Variants in FAM117B observed in about 807,000 individuals in gnomAD.
The protein encoded by FAM117B is protein FAM117B.
A neutral mutation model predicts 52.8 loss-of-function variants in FAM117B; 22 were observed. The ratio of observed to expected loss-of-function variants is 0.42; its 90% confidence interval spans 0.30 to 0.59. The LOEUF is 0.59. Ranked by LOEUF, FAM117B falls within the 20% of genes least tolerant of loss-of-function variation. FAM117B has a pLI of 0.22. For missense variants in FAM117B, 678 were observed against 802.6 expected, an observed-to-expected ratio of 0.84 and a Z score of 1.88; for synonymous variants, 309 against 324.1, an observed-to-expected ratio of 0.95 and a Z score of 0.50.
chr2:202,721,881 G>C (rs546383900), intron 2 of FAM117B, among the ~76,000 whole-genome samples: 146 of 152,110 alleles, frequency 9.6e-4, no homozygotes, highest in African/African-American at 2.8e-3. Context: ...TGATCCTGTA[G>C]CCTTGGCCTC....
At chr2:202,658,879 A>T (rs890671267) in intron 1 of FAM117B, among the ~76,000 whole-genome samples, 1 of 151,890 alleles carries the variant, frequency 6.6e-6, no homozygotes, top group Non-Finnish European at 1.5e-5. Context: ...TATGTTTCTC[A>T]TGAAATTTGG....
At chr2:202,640,847 G>A (rs1215490500) in intron 1 of FAM117B, among the ~76,000 whole-genome samples, 1 of 152,122 alleles carries the variant, frequency 6.6e-6, no homozygotes, top group East Asian at 1.9e-4. Flanking sequence ...CTGAGCTCAA[G>A]CTATCTGCCT....
At chr2:202,715,698 G>T (rs1027306525) in intron 2 of FAM117B, among the ~76,000 whole-genome samples, 3 of 152,244 alleles carry the variant, frequency 2.0e-5, no homozygotes, top group Admixed American at 1.3e-4. Flanking sequence ...GGCAGAGGCT[G>T]CAATCTCGGC....
At chr2:202,642,205 G>A (rs1216236769) in intron 1 of FAM117B, among the ~76,000 whole-genome samples, 7 of 149,070 alleles carry the variant, frequency 4.7e-5, no homozygotes, top group South Asian at 4.3e-4. Context: ...TGTCCGCCTC[G>A]GCCTCCCAAA....
At chr2:202,645,380 C>A (rs1046826049) in intron 1 of FAM117B, among the ~76,000 whole-genome samples, 1 of 151,770 alleles carries the variant, frequency 6.6e-6, no homozygotes, top group Non-Finnish European at 1.5e-5. Flanking sequence ...GCTCCGCCCC[C>A]CGGGGTTCAC....
At chr2:202,759,845 C>T (rs1049480136) in intron 7 of FAM117B, among the ~76,000 whole-genome samples, 1 of 152,056 alleles carries the variant, frequency 6.6e-6, no homozygotes, top group Admixed American at 6.6e-5. Context: ...GCATGAGCCA[C>T]TGCGCCTGGC....
intron 7 of FAM117B, among the ~76,000 whole-genome samples, chr2:202,759,966 G>T (rs1319118668): frequency 6.6e-6 from 1 of 152,184 alleles, no homozygotes; most frequent in Non-Finnish European, 1.5e-5. Context: ...CTCCTGAAGT[G>T]CTGGGATTGC....
intron 2 of FAM117B, among the ~76,000 whole-genome samples, chr2:202,704,670 C>T (rs1296097471): frequency 1.3e-5 from 2 of 152,166 alleles, no homozygotes; most frequent in Non-Finnish European, 2.9e-5. Flanking sequence ...CAGCTCACTG[C>T]AGCCTCTGCC....
chr2:202,753,231 TG>T (rs1018958365), intron 4 of FAM117B, among the ~76,000 whole-genome samples: 15 of 152,322 alleles, frequency 9.8e-5, no homozygotes, highest in African/African-American at 3.4e-4. Flanking sequence ...TACAACCATC[TG>T]ATCCTTGACA....
intron 1 of FAM117B, among the ~76,000 whole-genome samples, chr2:202,662,785 A>C (rs1690150170): frequency 6.6e-6 from 1 of 152,138 alleles, no homozygotes. Flanking sequence ...CGTAGGTTGC[A>C]GTGAGCCGAG....
At position 202,726,115 on chromosome 2, in the gene FAM117B, A is replaced by G. The variant is rs973668580; in HGVS notation, c.847-135A>G. On this transcript the variant is annotated intron_variant, in intron 3 of 7. Transcript: ENST00000392238. Reference sequence around the variant, plus strand: ...ATGTGTATAAAATTATGAACAAAAAATGAGACTTTGTGATATGGTTCAAAA... The same window carrying G: ...ATGTGTATAAAATTATGAACAAAAAGTGAGACTTTGTGATATGGTTCAAAA... The G allele has an allele frequency of 4.9e-6, 3 of 606,942 alleles. No homozygotes were observed. The East Asian group carries it at 8.4e-5, about 17-fold the overall frequency. 37.6% of individuals were successfully genotyped at this position (606,942 alleles called of 1,614,324 possible).
At chr2:202,654,062 TGAGA>T (rs60490884) in intron 1 of FAM117B, among the ~76,000 whole-genome samples, 7,359 of 134,738 alleles carry the variant, frequency 0.055, 216 homozygotes, top group East Asian at 0.11. Context: ...AGAGAGTGAG[TGAGA>T]GAGAGAGAGA....
chr2:202,757,585 A>G, intron 6 of FAM117B, 147 bp downstream of exon 6: 2 of 855,820 alleles, frequency 2.3e-6, no homozygotes, highest in South Asian at 3.6e-5. Flanking sequence ...TGGAGTGTAA[A>G]CAGGTTTGAC....
intron 4 of FAM117B, among the ~76,000 whole-genome samples, chr2:202,755,080 C>A (rs1330405526): frequency 6.6e-6 from 1 of 151,718 alleles, no homozygotes; most frequent in Non-Finnish European, 1.5e-5. Context: ...GCGCTACACA[C>A]CTTTAAACAA....
At chr2:202,654,081 G>A (rs1431278521) in intron 1 of FAM117B, among the ~76,000 whole-genome samples, 1 of 151,558 alleles carries the variant, frequency 6.6e-6, no homozygotes, top group East Asian at 1.9e-4. Context: ...GAGAGAGAGA[G>A]AGAGAGAGAG....
At chr2:202,637,344 G>A (rs1689703005) in intron 1 of FAM117B, among the ~76,000 whole-genome samples, 1 of 151,324 alleles carries the variant, frequency 6.6e-6, no homozygotes, top group Admixed American at 6.6e-5. Context: ...TGCAACCATG[G>A]TCTCCTGGGT....
chr2:202,748,916 A>T (rs1203306420), intron 4 of FAM117B, among the ~76,000 whole-genome samples: 1 of 152,152 alleles, frequency 6.6e-6, no homozygotes, highest in Non-Finnish European at 1.5e-5. Flanking sequence ...CAGTTGAATG[A>T]ATAAAGAAAA....
chr2:202,741,341 C>T (rs753148564), intron 4 of FAM117B, among the ~76,000 whole-genome samples: 40 of 135,762 alleles, frequency 2.9e-4, no homozygotes, highest in Non-Finnish European at 4.9e-4. Flanking sequence ...AATCACTGAA[C>T]CCGGGAGGTG....
Position 202,765,500 on chromosome 2 carries a change from G to C in FAM117B, c.1506G>C (p.Val502=). 1 of 1,613,856 alleles carries C rather than the reference G, an allele frequency of 6.2e-7. No individual in the cohort carries two copies. Among genetic ancestry groups the C allele is most frequent in the Non-Finnish European group, 8.5e-7 (1 of 1,179,992 alleles). Residue 502 remains valine (V), a synonymous_variant, in exon 8 of 8, where the codon GTG becomes GTC. Coordinates refer to ENST00000392238, the MANE Select transcript of FAM117B (RefSeq NM_173511.4). ...PAFYCPDKNK[V]NFIPKSGSAF... is the part of the protein sequence containing the mutation. ...TTTATTGTCCTGACAAAAACAAGGT[G>C]AATTTCATTCCTAAAAGTGGATCTG... is the stretch of plus-strand genomic sequence containing the variant.
Sources: gnomAD v4.1 joint callset for allele counts (sites outside exome capture counted in the v4.1 genomes callset) on GRCh38, gnomAD v4.1.1 for gene constraint, MANE v1.5 for transcripts, NCBI Gene and HGNC (gene_info 2026-07-23, HGNC 2026-07-21) for gene names.